The following INSC variants were observed in gnomAD, a reference collection of about 807,000 sequenced individuals.
INSC encodes the protein protein inscuteable homolog.
In INSC, 67 loss-of-function variants were observed where a neutral mutation model predicts 58.6. The ratio of observed to expected loss-of-function variants is 1.14; its 90% CI spans 0.94 to 1.40. The LOEUF (loss-of-function observed/expected upper bound fraction) is 1.40. Ranked by LOEUF, INSC falls within the 40% of genes most tolerant of loss-of-function variation. INSC has a pLI of 0.00. For missense variants in INSC, 714 were observed against 692.0 expected, an observed-to-expected ratio of 1.03 and a Z score of -0.36; for synonymous variants, 262 against 276.1, an observed-to-expected ratio of 0.95 and a Z score of 0.51.
intron 7 of INSC, among the ~76,000 whole-genome samples, chr11:15,211,866 T>C (rs1851037759): frequency 6.6e-6 from 1 of 152,110 alleles, no homozygotes; most frequent in East Asian, 1.9e-4. Context: ...ATTTTTTTTT[T>C]CTGTTCCATT....
intron 8 of INSC, among the ~76,000 whole-genome samples, chr11:15,225,256 A>G (rs935305135): frequency 2.0e-5 from 3 of 152,130 alleles, no homozygotes; most frequent in Non-Finnish European, 2.9e-5. Context: ...TTTCTCCCTC[A>G]TATTTATCAG....
At chr11:15,238,804 C>T in intron 10 of INSC, 115 bp from the exon 11 acceptor site, 2 of 1,050,800 alleles carry the variant, frequency 1.9e-6, no homozygotes, top group Admixed American at 2.5e-5. Flanking sequence ...TGGGTGAGAC[C>T]CCTGAAGTCA....
the INSC span, among the ~76,000 whole-genome samples, chr11:15,261,029 A>C: frequency 6.6e-6 from 1 of 152,166 alleles, no homozygotes; most frequent in African/African-American, 2.4e-5. Flanking sequence ...CAACTCTGAT[A>C]ATTGATAGTG....
chr11:15,222,204 C>T (rs79159338), intron 8 of INSC, among the ~76,000 whole-genome samples: 1,984 of 152,230 alleles, frequency 0.013, 50 homozygotes, highest in African/African-American at 0.046. Context: ...ATCATAGATC[C>T]GTATCTAAAA....
chr11:15,137,173 T>A (rs1321335641), intron 1 of INSC, among the ~76,000 whole-genome samples: 1 of 152,158 alleles, frequency 6.6e-6, no homozygotes, highest in Admixed American at 6.5e-5. Context: ...AGCAGTGAGC[T>A]TAAAATACTC....
upstream of INSC, among the ~76,000 whole-genome samples, chr11:15,113,143 T>TTCTTTCTCTCTC: frequency 1.5e-3 from 152 of 98,300 alleles, 2 homozygotes; most frequent in Middle Eastern, 9.6e-3. Context: ...CTTTCTTTCT[T>TTCTTTCTCTCTC]TCTGTCTCTC....
At chr11:15,161,877 G>T (rs1441999460) in intron 2 of INSC, among the ~76,000 whole-genome samples, 2 of 152,154 alleles carry the variant, frequency 1.3e-5, no homozygotes, top group African/African-American at 4.8e-5. Context: ...ATTTGACTGG[G>T]GCTTCACAAG....
At chr11:15,191,274 C>T (rs562670491) in intron 6 of INSC, among the ~76,000 whole-genome samples, 71 of 152,278 alleles carry the variant, frequency 4.7e-4, no homozygotes, top group African/African-American at 7.5e-4. Flanking sequence ...CCACCGTGCC[C>T]GGCCGGTGTC....
At chr11:15,225,429 G>A (rs902827704) in intron 8 of INSC, among the ~76,000 whole-genome samples, 5 of 152,100 alleles carry the variant, frequency 3.3e-5, no homozygotes, top group Non-Finnish European at 5.9e-5. Context: ...AATACTTATT[G>A]GATGAAGGAG....
chr11:15,235,562 G>T lies in INSC; in HGVS notation c.1171-40G>T, dbSNP rs1288767551. On this transcript the variant is annotated intron_variant, in intron 9 of 12. Coordinates refer to ENST00000379556, the MANE Select transcript of INSC (RefSeq NM_001042536.3). ...CTGTAGGGAGGACTATTAGGATCAG[G>T]TGTGCTCATTTTCTGAGGTTTCTAA... 6.0e-6 allele frequency: 9 copies of T among 1,504,280 alleles called. No individual in the cohort carries two copies. The African/African-American group carries it at 9.6e-5, about 16-fold the overall frequency. 93.2% of individuals were successfully genotyped at this position (1,504,280 alleles called of 1,614,324 possible). A position where few individuals can be genotyped will look rare whatever the true frequency, so the allele number is the denominator to read the frequency against.
intron 2 of INSC, among the ~76,000 whole-genome samples, chr11:15,161,345 T>C (rs1478274489): frequency 6.6e-6 from 1 of 152,158 alleles, no homozygotes; most frequent in African/African-American, 2.4e-5. Flanking sequence ...ATAGAACACG[T>C]CAGAAAATGA....
At chr11:15,121,057 A>G (rs1160042176) in intron 1 of INSC, among the ~76,000 whole-genome samples, 3 of 12,936 alleles carry the variant, frequency 2.3e-4, no homozygotes, top group Non-Finnish European at 0.02. Flanking sequence ...TATTATATAT[A>G]TGAATACATT....
chr11:15,268,645 G>A, the INSC span, among the ~76,000 whole-genome samples: 1 of 152,080 alleles, frequency 6.6e-6, no homozygotes, highest in Non-Finnish European at 1.5e-5. Context: ...AAACAATGCT[G>A]CTGAGAAAGA....
intron 1 of INSC, among the ~76,000 whole-genome samples, chr11:15,135,026 G>A (rs1232101299): frequency 6.6e-6 from 1 of 152,098 alleles, no homozygotes; most frequent in Non-Finnish European, 1.5e-5. Flanking sequence ...AGAAATTAGT[G>A]TAAGTTAGGG....
At chr11:15,120,935 T>C (rs1457944293) in intron 1 of INSC, among the ~76,000 whole-genome samples, 1 of 150,354 alleles carries the variant, frequency 6.7e-6, no homozygotes, top group Non-Finnish European at 1.5e-5. Context: ...ATTTACTTTA[T>C]TAACTTTCAT....
intron 2 of INSC, among the ~76,000 whole-genome samples, chr11:15,157,865 G>T (rs921990054): frequency 2.6e-5 from 4 of 152,050 alleles, no homozygotes; most frequent in African/African-American, 7.2e-5. Flanking sequence ...CCTCTGCAAG[G>T]CCTGACCCCC....
At chr11:15,134,499 C>A (rs2133711442) in intron 1 of INSC, among the ~76,000 whole-genome samples, 1 of 152,274 alleles carries the variant, frequency 6.6e-6, no homozygotes, top group Admixed American at 6.5e-5. Context: ...TTACTCCATT[C>A]CACCATGATC....
upstream of INSC, chr11:15,112,569 T>C (rs1466315820): frequency 6.5e-7 from 1 of 1,527,648 alleles, no homozygotes; most frequent in Middle Eastern, 2.3e-4. Context: ...CTGTGCCGTA[T>C]GTATCTGGGA....
intron 1 of INSC, among the ~76,000 whole-genome samples, chr11:15,116,546 G>A (rs1468253066): frequency 3.9e-5 from 6 of 152,118 alleles, no homozygotes; most frequent in African/African-American, 1.4e-4. Context: ...GGAAGAGTAG[G>A]TGCCCTAAAA....
Sources: gnomAD v4.1 joint callset for allele counts (sites outside exome capture counted in the v4.1 genomes callset) on GRCh38, gnomAD v4.1.1 for gene constraint, MANE v1.5 for transcripts, NCBI Gene and HGNC (gene_info 2026-07-23, HGNC 2026-07-21) for gene names.